Variants in SNAPC1 observed in about 807,000 individuals in gnomAD.
SNAPC1 encodes snRNA-activating protein complex subunit 1.
Under a neutral mutation model 50.1 loss-of-function variants are expected in SNAPC1, and 42 were observed. The ratio of observed to expected loss-of-function variants is 0.84; its 90% CI spans 0.65 to 1.08. The LOEUF (loss-of-function observed/expected upper bound fraction) is 1.08. Ranked by LOEUF, SNAPC1 falls within the 50% of genes least tolerant of loss-of-function variation. The pLI is 0.00. For missense variants in SNAPC1, 477 were observed against 427.3 expected (o/e 1.12, Z -1.02); for synonymous variants, 164 against 144.2 (o/e 1.14, Z -0.98).
chr14:61,774,648 A>ATTTCTTTTTTTTTT (rs1172798543), intron 4 of SNAPC1, among the ~76,000 whole-genome samples: 13 of 90,960 alleles, frequency 1.4e-4, no homozygotes, highest in African/African-American at 5.4e-4. Flanking sequence ...TCAGTTTCTC[A>ATTTCTTTTTTTTTT]TTTTTTTTTT....
rs1182763249 is a variant in SNAPC1 at position 61,795,416 on chromosome 14, A to G, written c.*433A>G. The G allele has an allele frequency of 6.6e-6, 1 of 152,350 alleles. No homozygotes were observed. Among genetic ancestry groups the G allele is most frequent in the East Asian group, 1.9e-4 (1 of 5,200 alleles). The allele number at this position is 152,350 out of a possible 1,614,324, so 9.4% of individuals were successfully genotyped here. On this transcript the variant is annotated 3_prime_UTR_variant, in exon 10 of 10. Coordinates refer to ENST00000216294, the MANE Select transcript of SNAPC1 (RefSeq NM_003082.4). ...GGATAATGGATTTTTTATTTTGTAT[A>G]TTTATTCTATTTTGTATATTGTTAA... is the stretch of plus-strand genomic sequence containing the variant.
At chr14:61,769,803 A>G (rs1018856936) in intron 4 of SNAPC1, among the ~76,000 whole-genome samples, 1 of 152,174 alleles carries the variant, frequency 6.6e-6, no homozygotes, top group African/African-American at 2.4e-5. Context: ...ATTGGGAAAA[A>G]TCTTATGCAT....
At chr14:61,773,320 G>A (rs2045007259) in intron 4 of SNAPC1, among the ~76,000 whole-genome samples, 1 of 151,740 alleles carries the variant, frequency 6.6e-6, no homozygotes, top group Non-Finnish European at 1.5e-5. Context: ...CATATACCTG[G>A]AACTATGCTA....
rs73324990 is a variant in SNAPC1, at chr14:61,768,079, T to C, written c.430-557T>C. Among the ~76,000 whole-genome samples the C allele has an allele frequency of 2.0e-3, 310 of 152,366 alleles. 1 individual carries two copies. Among genetic ancestry groups the C allele is most frequent in the African/African-American group, 7.3e-3 (305 of 41,594 alleles). On this transcript the variant is annotated intron_variant, in intron 3 of 9. Coordinates refer to ENST00000216294, the MANE Select transcript of SNAPC1 (RefSeq NM_003082.4). Reference sequence around the variant, plus strand: ...CTCAGGTGAGCCACCATGCCCGGCCTTGTAGCTTTTTTAAAATAGGAGAAG... The same window carrying C: ...CTCAGGTGAGCCACCATGCCCGGCCCTGTAGCTTTTTTAAAATAGGAGAAG...
chr14:61,767,754 G>A (rs1163915619), intron 3 of SNAPC1, among the ~76,000 whole-genome samples: 6 of 151,246 alleles, frequency 4.0e-5, no homozygotes, highest in Non-Finnish European at 7.4e-5. Context: ...GAGCCACTGC[G>A]CCCGGCCTGG....
chr14:61,790,521 A>G (rs2045144363), intron 8 of SNAPC1, among the ~76,000 whole-genome samples: 1 of 152,154 alleles, frequency 6.6e-6, no homozygotes, highest in African/African-American at 2.4e-5. Flanking sequence ...TTTTTAGTAG[A>G]GACGGAGTCT....
chr14:61,767,065 C>A, intron 2 of SNAPC1, 30 bp downstream of exon 2: 2 of 1,400,052 alleles, frequency 1.4e-6, no homozygotes, highest in East Asian at 2.4e-5. Context: ...TTTTCCTTAG[C>A]AGAAATGTAA....
At chr14:61,787,922 T>C (rs1248371778) in intron 8 of SNAPC1, among the ~76,000 whole-genome samples, 1 of 152,220 alleles carries the variant, frequency 6.6e-6, no homozygotes, top group Non-Finnish European at 1.5e-5. Context: ...CTGGCCAAGC[T>C]GCTTTCTTGA....
Position 61,795,037 on chromosome 14 carries a change from T to G in SNAPC1, c.*54T>G. 3 of 1,234,970 alleles carry G rather than the reference T, an allele frequency of 2.4e-6. No homozygotes were observed. Among genetic ancestry groups the G allele is most frequent in the South Asian group, 1.4e-5 (1 of 73,962 alleles). The allele number at this position is 1,234,970 out of a possible 1,614,324, so 76.5% of individuals were successfully genotyped here. On this transcript the variant is annotated 3_prime_UTR_variant, in exon 10 of 10. Coordinates refer to ENST00000216294, the MANE Select transcript of SNAPC1 (RefSeq NM_003082.4). ...TGAGTTTTCTGACAGAAGAAAAGAT[T>G]GATATTTTGTGTATTGAACAGGAAG...
At chr14:61,783,193 T>A (rs1291137582) in intron 8 of SNAPC1, among the ~76,000 whole-genome samples, 1 of 150,936 alleles carries the variant, frequency 6.6e-6, no homozygotes, top group African/African-American at 2.4e-5. Flanking sequence ...CAGCTAATTT[T>A]TTTTTGTATT....
At chr14:61,764,841 ATATT>A (rs1400778673) in intron 1 of SNAPC1, among the ~76,000 whole-genome samples, 2 of 152,168 alleles carry the variant, frequency 1.3e-5, no homozygotes, top group Non-Finnish European at 2.9e-5. Flanking sequence ...TTCTTTTCCT[ATATT>A]TATTATTTGA....
At chr14:61,767,807 T>G (rs895911887) in intron 3 of SNAPC1, among the ~76,000 whole-genome samples, 9 of 151,432 alleles carry the variant, frequency 5.9e-5, no homozygotes, top group Admixed American at 3.3e-4. Flanking sequence ...TGATACAGAG[T>G]CTTGCCCTGT....
chr14:61,777,608 TTAA>T (rs2045044363), intron 5 of SNAPC1, among the ~76,000 whole-genome samples: 1 of 137,090 alleles, frequency 7.3e-6, no homozygotes, highest in Admixed American at 7.5e-5. Flanking sequence ...CAGTTTAGTT[TTAA>T]TTTTTTTTTT....
chr14:61,776,322 T>C, intron 5 of SNAPC1, 69 bp downstream of exon 5: 1 of 1,399,858 alleles, frequency 7.1e-7, no homozygotes, highest in Non-Finnish European at 1.0e-6. Flanking sequence ...GATGATAATG[T>C]TGGGAGGCAG....
intron 4 of SNAPC1, among the ~76,000 whole-genome samples, chr14:61,769,471 C>T (rs1459935162): frequency 6.9e-6 from 1 of 144,436 alleles, no homozygotes; most frequent in South Asian, 2.4e-4. Context: ...AATCTCAGCT[C>T]ATTGTAACCT....
In SNAPC1 at chr14:61,782,382, T is replaced by C. The variant is rs1207897631; in HGVS notation, c.961T>C (p.Ser321Pro). The C allele has an allele frequency of 6.2e-7, 1 of 1,608,796 alleles. No homozygotes were observed. The highest frequency in any genetic ancestry group is 1.3e-5 in the African/African-American group (1 of 74,598). Residue 321 changes from serine to proline, a missense_variant, in exon 8 of 10, where the codon TCT (serine) becomes CCT (proline). By Grantham distance (74) the Ser-to-Pro change is moderately conservative. Coordinates refer to ENST00000216294, the MANE Select transcript of SNAPC1 (RefSeq NM_003082.4). ...ATTGAAACCAGCAGGAAGGAAGATG[T>C]CTCTCAGAAACAAAGGTAACTTTTT... ...ERLKPAGRKM[S>P]LRNKGNVQNI...
intron 4 of SNAPC1, among the ~76,000 whole-genome samples, chr14:61,774,600 A>C (rs2045020015): frequency 6.7e-6 from 1 of 149,362 alleles, no homozygotes; most frequent in South Asian, 2.1e-4. Context: ...CTCCCATTGC[A>C]GATCCTGCAT....
chr14:61,765,859 C>A (rs1011763577), intron 1 of SNAPC1, among the ~76,000 whole-genome samples: 10 of 152,156 alleles, frequency 6.6e-5, no homozygotes, highest in African/African-American at 1.9e-4. Flanking sequence ...CTCCTTTCTT[C>A]TGATGAGCTT....
rs1429528669 is a variant in SNAPC1, at chr14:61,783,531, T to TTG, written c.976+1135_976+1136insGT. ...TATATTTCAATAGTTTGGTTTGGTT[T>TTG]TTTTTTTTTTTTTTTTTTTCTTGAG... On this transcript the variant is annotated intron_variant, in intron 8 of 9. Transcript: ENST00000216294. Among the ~76,000 whole-genome samples, 1,119 of 130,996 alleles carry TTG rather than the reference T, an allele frequency of 8.5e-3. 15 individuals carry two copies. Among genetic ancestry groups the TTG allele is most frequent in the African/African-American group, 0.032 (1,073 of 33,274 alleles). The allele number at this position is 130,996 out of a possible 152,430, so 85.9% of individuals were successfully genotyped here. A position where few individuals can be genotyped will look rare whatever the true frequency, so the allele number is the denominator to read the frequency against.
Sources: gnomAD v4.1 joint callset for allele counts (sites outside exome capture counted in the v4.1 genomes callset) on GRCh38, gnomAD v4.1.1 for gene constraint, MANE v1.5 for transcripts, NCBI Gene and HGNC (gene_info 2026-07-23, HGNC 2026-07-21) for gene names.